Variants in PTPN13 observed in about 807,000 individuals in gnomAD.
PTPN13 encodes the protein protein tyrosine phosphatase non-receptor type 13, also known as tyrosine-protein phosphatase non-receptor type 13.
PTPN13 carries 191 observed loss-of-function variants against 284.0 expected under a neutral mutation model. That is an observed-to-expected ratio of 0.67 (90% confidence interval 0.60 to 0.76). The LOEUF is 0.76. Ranked by LOEUF, PTPN13 falls within the 30% of genes least tolerant of loss-of-function variation. The probability of loss-of-function intolerance (pLI) is 0.00; values close to 1 mark genes in which losing one functional copy is unlikely to be tolerated. For missense variants in PTPN13, 2,797 were observed against 2,939.9 expected (o/e 0.95, Z 1.12); for synonymous variants, 986 against 1,022.3 (o/e 0.96, Z 0.68).
At chr4:86,723,790 T>C (rs1733931648) in intron 10 of PTPN13, among the ~76,000 whole-genome samples, 1 of 152,216 alleles carries the variant, frequency 6.6e-6, no homozygotes, top group East Asian at 1.9e-4. Context: ...AACATTAGTT[T>C]AAAATAATTC....
intron 1 of PTPN13, among the ~76,000 whole-genome samples, chr4:86,619,136 C>T (rs1236822421): frequency 6.6e-5 from 10 of 152,106 alleles, no homozygotes; most frequent in Non-Finnish European, 1.3e-4. Context: ...GTCAGCCACG[C>T]GATCACAAGG....
At chr4:86,605,927 T>G (rs1324567139) in intron 1 of PTPN13, among the ~76,000 whole-genome samples, 1 of 151,822 alleles carries the variant, frequency 6.6e-6, no homozygotes, top group African/African-American at 2.4e-5. Flanking sequence ...TTGAATAAGT[T>G]GAACAGTGAT....
intron 32 of PTPN13, among the ~76,000 whole-genome samples, chr4:86,773,235 A>G (rs550709349): frequency 6.6e-6 from 1 of 152,342 alleles, no homozygotes; most frequent in South Asian, 2.1e-4. Context: ...AACTTTGACT[A>G]TAAAATGGAG....
At position 86,807,662 on chromosome 4, in the gene PTPN13, A is replaced by T; in HGVS notation, c.6848A>T (p.Gln2283Leu). The T allele has an allele frequency of 1.2e-6, 2 of 1,614,008 alleles. No individual in the cohort carries two copies. The highest frequency in any genetic ancestry group is 8.5e-7 in the Non-Finnish European group (1 of 1,179,896). Reference protein sequence around the residue: ...GKEEFVYIACQGPLPTTVGDF... With the variant: ...GKEEFVYIACLGPLPTTVGDF... ...GAAGAGTTCGTTTACATTGCCTGCCAAGGACCACTGCCTACAACTGTTGGA... is the reference window on the plus strand; with the variant it reads ...GAAGAGTTCGTTTACATTGCCTGCCTAGGACCACTGCCTACAACTGTTGGA... Residue 2283 changes from glutamine (Q) to leucine (L), a missense_variant, in exon 45 of 48, where the codon CAA (glutamine) becomes CTA (leucine). Physicochemically the swap from Gln to Leu is moderately radical, Grantham distance 113. Coordinates refer to ENST00000411767, the MANE Select transcript of PTPN13 (RefSeq NM_080683.3).
Position 86,722,285 on chromosome 4 carries a change from C to A in PTPN13, c.1459C>A (p.Leu487Met), listed in dbSNP as rs749511192. Residue 487 changes from leucine (L) to methionine (M), a missense_variant, in exon 10 of 48, where the codon CTG becomes ATG. By Grantham distance (15) the Leu-to-Met change is conservative. Transcript: ENST00000411767. Reference protein sequence around the residue: ...EIMLKRQEEELMQLQAKMALR... With the variant: ...EIMLKRQEEEMMQLQAKMALR... ...CATGCTAAAACGGCAAGAGGAAGAA[C>A]TGATGCAGCTACAAGCCAAAATGGC... 1.7e-5 allele frequency: 28 copies of A among 1,613,750 alleles called. No homozygotes were observed. In the East Asian group the frequency reaches 5.3e-4, roughly 31 times the overall value.
chr4:86,794,114 T>C (rs2149345418), intron 40 of PTPN13, among the ~76,000 whole-genome samples: 1 of 152,196 alleles, frequency 6.6e-6, no homozygotes, highest in African/African-American at 2.4e-5. Context: ...AGTCAAATTG[T>C]CTCTGTTTGC....
In PTPN13 at chr4:86,635,273, C is replaced by T. The variant is rs374140908; in HGVS notation, c.17C>T (p.Ala6Val). MHVSL[A>V]EALEVRGGPL... ...CCAGGTAATATGCACGTGTCACTAGCTGAGGCCCTGGAGGTTCGGGGTGGA... is the reference window on the plus strand; with the variant it reads ...CCAGGTAATATGCACGTGTCACTAGTTGAGGCCCTGGAGGTTCGGGGTGGA... Residue 6 changes from alanine (A) to valine (V), a missense_variant, in exon 2 of 48, where the codon GCT becomes GTT. Ala to Val is a moderately conservative substitution (Grantham distance 64, BLOSUM62 0). Transcript: ENST00000411767. 1.9e-6 allele frequency: 3 copies of T among 1,603,522 alleles called. No individual in the cohort carries two copies. Among genetic ancestry groups the T allele is most frequent in the Admixed American group, 1.7e-5 (1 of 58,502 alleles).
chr4:86,687,184 ATAGTAGCCCTATGTC>A (rs1644324253), intron 4 of PTPN13, among the ~76,000 whole-genome samples: 1 of 152,200 alleles, frequency 6.6e-6, no homozygotes, highest in Non-Finnish European at 1.5e-5. Flanking sequence ...AACTCTAGGA[ATAGTAGCCCTATGTC>A]TCAGAGTGTT....
At chr4:86,595,845 TGGG>T in intron 1 of PTPN13, 9 of 689,018 alleles carry the variant, frequency 1.3e-5, no homozygotes, top group Non-Finnish European at 1.6e-5. Flanking sequence ...TACTAAAGGA[TGGG>T]GGGGGGAGTA....
In PTPN13 at chr4:86,725,345, G is replaced by A. The variant is rs189910741; in HGVS notation, c.1608+2911G>A. On this transcript the variant is annotated intron_variant, in intron 10 of 47. Coordinates refer to ENST00000411767, the MANE Select transcript of PTPN13 (RefSeq NM_080683.3). Reference sequence around the variant, plus strand: ...TGGGTATATACCCAGTAATAGGATCGCTGGGTCAAATGGTGTTTCTAGTTC... The same window carrying A: ...TGGGTATATACCCAGTAATAGGATCACTGGGTCAAATGGTGTTTCTAGTTC... Among the ~76,000 whole-genome samples, 236 of 149,336 alleles carry A rather than the reference G, an allele frequency of 1.6e-3. 18 individuals carry two copies. Among genetic ancestry groups the A allele is most frequent in the African/African-American group, 3.9e-3 (161 of 41,016 alleles).
chr4:86,619,905 A>T (rs1296007730), intron 1 of PTPN13, among the ~76,000 whole-genome samples: 1 of 152,030 alleles, frequency 6.6e-6, no homozygotes, highest in Non-Finnish European at 1.5e-5. Flanking sequence ...GTTGCTGCAC[A>T]GGCAGGCCAC....
In PTPN13 at chr4:86,741,658, G is replaced by A; in HGVS notation, c.2329G>A (p.Gly777Arg). 6.2e-7 allele frequency: 1 copy of A among 1,613,512 alleles called. No individual in the cohort carries two copies. The highest frequency in any genetic ancestry group is 8.5e-7 in the Non-Finnish European group (1 of 1,179,590). The change falls in exon 16 of 48, where the codon GGA becomes AGA. Residue 777 changes from glycine (G) to arginine (R), a missense_variant. Gly to Arg is a moderately radical substitution (Grantham distance 125). Transcript: ENST00000411767. ...LKVCQRLTEY[G>R]VHFHRVHPEK... ...GGTCTGCCAAAGACTGACAGAATAT[G>A]GAGTTCATTTTCACCGAGTGCACCC...
chr4:86,627,716 A>G (rs772988788), intron 1 of PTPN13, among the ~76,000 whole-genome samples: 1 of 152,152 alleles, frequency 6.6e-6, no homozygotes, highest in Non-Finnish European at 1.5e-5. Flanking sequence ...ATGCCTCTCC[A>G]TAGGGCAATA....
At chr4:86,809,460 G>A (rs564603682) in intron 45 of PTPN13, among the ~76,000 whole-genome samples, 2 of 152,292 alleles carry the variant, frequency 1.3e-5, no homozygotes, top group African/African-American at 4.8e-5. Context: ...CACTTTGGGA[G>A]GCCAAGGTGA....
At chr4:86,649,418 AG>A (rs141968843) in intron 2 of PTPN13, among the ~76,000 whole-genome samples, 35 of 152,290 alleles carry the variant, frequency 2.3e-4, no homozygotes, top group African/African-American at 7.5e-4. Context: ...GGCAAGAGAT[AG>A]GGGTCTATCT....
intron 1 of PTPN13, among the ~76,000 whole-genome samples, chr4:86,614,996 C>A (rs1370978448): frequency 1.3e-5 from 2 of 152,202 alleles, no homozygotes; most frequent in East Asian, 3.9e-4. Context: ...TGCTACTGAA[C>A]TACATGTCTA....
chr4:86,652,858 C>G (rs946953851), intron 2 of PTPN13, among the ~76,000 whole-genome samples: 7 of 151,712 alleles, frequency 4.6e-5, no homozygotes, highest in African/African-American at 1.7e-4. Context: ...TTTACATCCT[C>G]TTTAAGGCCA....
intron 10 of PTPN13, among the ~76,000 whole-genome samples, chr4:86,727,024 G>T (rs560906900): frequency 6.7e-6 from 1 of 149,476 alleles, no homozygotes; most frequent in Admixed American, 6.7e-5. Context: ...TAGCATGAAG[G>T]GCTGTTTAAT....
At chr4:86,703,022 T>G (rs1393065645) in intron 7 of PTPN13, among the ~76,000 whole-genome samples, 1 of 152,144 alleles carries the variant, frequency 6.6e-6, no homozygotes, top group African/African-American at 2.4e-5. Flanking sequence ...ACATAATTTA[T>G]GAGTTTTGCT....
Sources: allele counts gnomAD v4.1 joint callset (sites outside exome capture counted in the v4.1 genomes callset), GRCh38; gene constraint gnomAD v4.1.1; transcripts MANE v1.5; gene names NCBI Gene and HGNC (gene_info 2026-07-23, HGNC 2026-07-21).